ADAMTS3: variants seen among roughly 807,000 people sequenced by gnomAD.
The protein encoded by ADAMTS3 is A disintegrin and metalloproteinase with thrombospondin motifs 3.
Under a neutral mutation model 129.0 loss-of-function variants are expected in ADAMTS3, and 73 were observed. The observed-to-expected ratio is 0.57, with a 90% CI of 0.47 to 0.69. The LOEUF is 0.69. Among genes scored for constraint, ADAMTS3 ranks in the 30% least tolerant of loss-of-function variants. The probability of loss-of-function intolerance (pLI) is 0.00; values close to 1 mark genes in which losing one functional copy is unlikely to be tolerated. For missense variants in ADAMTS3, 1,457 were observed against 1,514.5 expected, an observed-to-expected ratio of 0.96 and a Z score of 0.63; for synonymous variants, 477 against 510.8, an observed-to-expected ratio of 0.93 and a Z score of 0.89.
Position 72,283,380 on chromosome 4 carries a change from T to A in ADAMTS3, c.3374A>T (p.Asp1125Val). The change falls in exon 22 of 22, where the codon GAT becomes GTT. Residue 1125 changes from aspartate to valine, a missense_variant. Transcript: ENST00000286657. ...ACTCCTCTGGCGTAAATTAGCACCA[T>A]CAGGTTTACTGTTTGGCCTGAAAGC... The part of the protein sequence containing the change: ...YAAFRPNSKP[D>V]GANLRQRSAQ... 1.9e-6 allele frequency: 3 copies of A among 1,613,592 alleles called. No individual in the cohort carries two copies. Among genetic ancestry groups the A allele is most frequent in the Non-Finnish European group, 2.5e-6 (3 of 1,179,582 alleles).
chr4:72,304,912 A>C (rs1719044989), intron 16 of ADAMTS3, among the ~76,000 whole-genome samples: 1 of 152,014 alleles, frequency 6.6e-6, no homozygotes, highest in Non-Finnish European at 1.5e-5. Flanking sequence ...CTAGGATGAA[A>C]AATAAGGGAT....
chr4:72,447,145 G>A (rs990295722), intron 3 of ADAMTS3, among the ~76,000 whole-genome samples: 1 of 151,828 alleles, frequency 6.6e-6, no homozygotes, highest in East Asian at 2.0e-4. Context: ...CTAAGTAGAA[G>A]AACAGATTGC....
chr4:72,314,712 T>C (rs1213542018), intron 11 of ADAMTS3, among the ~76,000 whole-genome samples: 1 of 152,206 alleles, frequency 6.6e-6, no homozygotes, highest in Admixed American at 6.5e-5. Flanking sequence ...GTTTATGATA[T>C]TGAATTTTCC....
At chr4:72,369,514 C>A (rs1363389579) in intron 4 of ADAMTS3, among the ~76,000 whole-genome samples, 6 of 151,986 alleles carry the variant, frequency 3.9e-5, no homozygotes, top group Non-Finnish European at 8.8e-5. Context: ...AGTTTGAAAC[C>A]AGCATGGCCA....
intron 3 of ADAMTS3, among the ~76,000 whole-genome samples, chr4:72,424,939 T>C (rs1463830730): frequency 2.0e-5 from 3 of 152,138 alleles, no homozygotes; most frequent in African/African-American, 7.2e-5. Context: ...ATATTGTCAA[T>C]ATTTTATTGT....
chr4:72,293,004 A>G (rs1718716023), intron 19 of ADAMTS3, among the ~76,000 whole-genome samples: 1 of 152,200 alleles, frequency 6.6e-6, no homozygotes, highest in African/African-American at 2.4e-5. Flanking sequence ...CTCAGAATGA[A>G]AGTAAATGAC....
At chr4:72,418,550 G>A (rs1722366818) in intron 3 of ADAMTS3, among the ~76,000 whole-genome samples, 1 of 152,126 alleles carries the variant, frequency 6.6e-6, no homozygotes, top group African/African-American at 2.4e-5. Context: ...AGTCAAAACA[G>A]GAAGCAGTAT....
chr4:72,487,709 T>TA (rs1446236223), intron 3 of ADAMTS3, among the ~76,000 whole-genome samples: 2 of 152,060 alleles, frequency 1.3e-5, no homozygotes, highest in Non-Finnish European at 2.9e-5. Flanking sequence ...AGCATGTGAG[T>TA]AAAAATCAGG....
At position 72,517,356 on chromosome 4, in the gene ADAMTS3, G is replaced by C. The variant is rs1270528969; in HGVS notation, c.504+31122C>G. ...CAGGATGATGCTGGCCTCATAAAAT[G>C]AGTTAGGGAGGATTCCCTCTTTTTC... On this transcript the variant is annotated intron_variant, in intron 3 of 21. Transcript: ENST00000286657. Among the ~76,000 whole-genome samples the C allele has an allele frequency of 2.6e-5, 4 of 152,318 alleles. No individual in the cohort carries two copies. The East Asian group carries it at 7.7e-4, about 29-fold the overall frequency.
At chr4:72,550,610 C>T (rs1347333038) in intron 2 of ADAMTS3, among the ~76,000 whole-genome samples, 1 of 152,154 alleles carries the variant, frequency 6.6e-6, no homozygotes, top group African/African-American at 2.4e-5. Flanking sequence ...CAAAACTGGA[C>T]AGACAGTGCA....
intron 4 of ADAMTS3, among the ~76,000 whole-genome samples, chr4:72,369,492 C>CTT (rs1013801852): frequency 6.6e-6 from 1 of 152,054 alleles, no homozygotes; most frequent in African/African-American, 2.4e-5. Context: ...GGGCAGATCA[C>CTT]TTGAGGTCAG....
intron 5 of ADAMTS3, among the ~76,000 whole-genome samples, chr4:72,338,704 A>C (rs1343916635): frequency 6.6e-6 from 1 of 152,050 alleles, no homozygotes; most frequent in African/African-American, 2.4e-5. Flanking sequence ...TTAGGTAATA[A>C]ATTTGCAAGA....
Position 72,295,796 on chromosome 4 carries a change from G to A in ADAMTS3, c.2591-10C>T. On this transcript the variant is annotated splice_polypyrimidine_tract_variant and intron_variant, in intron 18 of 21. Transcript: ENST00000286657. ...TTAGTGTACTGGAAACCTGGAAAAGGAAATAAAGTTCTTTGGATTTAATCA... is the reference window on the plus strand; with the variant it reads ...TTAGTGTACTGGAAACCTGGAAAAGAAAATAAAGTTCTTTGGATTTAATCA... 3 of 1,608,066 alleles carry A rather than the reference G, an allele frequency of 1.9e-6. No homozygotes were observed. The highest frequency in any genetic ancestry group is 2.5e-6 in the Non-Finnish European group (3 of 1,177,394).
intron 3 of ADAMTS3, among the ~76,000 whole-genome samples, chr4:72,491,748 G>C (rs1193837132): frequency 2.6e-5 from 4 of 151,566 alleles, no homozygotes; most frequent in Non-Finnish European, 5.9e-5. Flanking sequence ...TACTATTTTT[G>C]CCTGGTTTTA....
At chr4:72,477,477 T>C (rs941267233) in intron 3 of ADAMTS3, among the ~76,000 whole-genome samples, 1 of 151,950 alleles carries the variant, frequency 6.6e-6, no homozygotes, top group Non-Finnish European at 1.5e-5. Flanking sequence ...GAAATAAAGA[T>C]GTTCTTTGAA....
chr4:72,344,553 T>A (rs886938380), intron 4 of ADAMTS3, among the ~76,000 whole-genome samples: 1 of 152,100 alleles, frequency 6.6e-6, no homozygotes, highest in Non-Finnish European at 1.5e-5. Flanking sequence ...AAAAAGTCAC[T>A]CCCAATCTCC....
At chr4:72,534,861 G>T (rs1578773540) in intron 3 of ADAMTS3, among the ~76,000 whole-genome samples, 1 of 152,156 alleles carries the variant, frequency 6.6e-6, no homozygotes, top group Non-Finnish European at 1.5e-5. Context: ...CAATGGTTAG[G>T]GTCTAGGACC....
chr4:72,353,517 TATC>T (rs1188739672), intron 4 of ADAMTS3, among the ~76,000 whole-genome samples: 3 of 152,062 alleles, frequency 2.0e-5, no homozygotes, highest in East Asian at 1.9e-4. Flanking sequence ...CCTTGGATAA[TATC>T]ATCAGTAGCA....
intron 4 of ADAMTS3, among the ~76,000 whole-genome samples, chr4:72,348,634 G>T (rs1720349414): frequency 6.6e-6 from 1 of 151,900 alleles, no homozygotes; most frequent in African/African-American, 2.4e-5. Flanking sequence ...TATCCAGGTG[G>T]GCCTGATCTA....
Sources: gnomAD v4.1 joint callset for allele counts (sites outside exome capture counted in the v4.1 genomes callset) on GRCh38, gnomAD v4.1.1 for gene constraint, MANE v1.5 for transcripts, NCBI Gene and HGNC (gene_info 2026-07-23, HGNC 2026-07-21) for gene names.